NOTCH2: variants seen among roughly 807,000 people sequenced by gnomAD.
The protein encoded by NOTCH2 is notch receptor 2, also known as neurogenic locus notch homolog protein 2.
A neutral mutation model predicts 235.8 loss-of-function variants in NOTCH2; 29 were observed. That is an observed-to-expected ratio of 0.12 (90% CI 0.09 to 0.17). The LOEUF is 0.17. Ranked by LOEUF, NOTCH2 falls within the 10% of genes least tolerant of loss-of-function variation. NOTCH2 has a pLI of 1.00. For synonymous variants in NOTCH2, 1,086 were observed against 1,141.5 expected, an observed-to-expected ratio of 0.95 and a Z score of 0.98; for missense variants, 2,285 against 3,150.2, an observed-to-expected ratio of 0.73 and a Z score of 6.57.
At position 119,913,505 on chromosome 1, in the gene NOTCH2, G is replaced by A. The variant is rs1648957818; in HGVS notation, c.*1801C>T. 8.6e-6 allele frequency: 2 copies of A among 233,140 alleles called. No homozygotes were observed. The highest frequency in any genetic ancestry group is 1.7e-5 in the Non-Finnish European group (2 of 118,064). The allele number at this position is 233,140 out of a possible 1,614,324, so 14.4% of individuals were successfully genotyped here. On this transcript the variant is annotated 3_prime_UTR_variant, in exon 34 of 34. Transcript: ENST00000256646. ...CAGAACTTATTTTGCAGGTGTCATG[G>A]GCATCACAGCACTGGACGGAAGTTG...
intron 15 of NOTCH2, 109 bp from the exon 16 acceptor site, chr1:119,949,235 G>T: frequency 8.5e-7 from 1 of 1,170,458 alleles, no homozygotes; most frequent in Non-Finnish European, 1.3e-6. Context: ...TGATTAAGAG[G>T]CTTTGAAAAT....
intron 33 of NOTCH2, 126 bp from the exon 34 acceptor site, chr1:119,916,820 T>C (rs1649096320): frequency 1.1e-6 from 1 of 915,790 alleles, no homozygotes; most frequent in Admixed American, 2.0e-5. Flanking sequence ...GATGAAATAT[T>C]AACACCACAG....
intron 3 of NOTCH2, among the ~76,000 whole-genome samples, chr1:120,000,314 T>C (rs2725902): frequency 0.04 from 6,073 of 151,056 alleles, no homozygotes; most frequent in East Asian, 0.12. Context: ...GGCAGGTGGA[T>C]CATGAGGTCA....
At chr1:119,940,040 A>G (rs782702349) in intron 19 of NOTCH2, among the ~76,000 whole-genome samples, 29 of 152,224 alleles carry the variant, frequency 1.9e-4, no homozygotes, top group Non-Finnish European at 2.9e-4. Flanking sequence ...CGAAGGTTAG[A>G]TTAGTTGCCT....
At chr1:119,930,436 A>C (rs1336460530) in intron 22 of NOTCH2, among the ~76,000 whole-genome samples, 1 of 151,124 alleles carries the variant, frequency 6.6e-6, no homozygotes, top group East Asian at 1.9e-4. Flanking sequence ...ACAAAGAAAC[A>C]AAAGAAATCA....
intron 17 of NOTCH2, among the ~76,000 whole-genome samples, chr1:119,942,416 T>C (rs1650094375): frequency 6.6e-6 from 1 of 152,140 alleles, no homozygotes; most frequent in South Asian, 2.1e-4. Flanking sequence ...AACTTAAAAA[T>C]ATAATTGCAA....
rs782131953 is a variant in NOTCH2, at chr1:119,997,198, T to C, written c.550A>G (p.Asn184Asp). The C allele has an allele frequency of 1.2e-6, 2 of 1,613,882 alleles. No individual in the cohort carries two copies. The highest frequency in any genetic ancestry group is 1.7e-6 in the Non-Finnish European group (2 of 1,179,868). ...CAGTGTCCTGGAATGTCACACTCATTGACATCAGTCTCACATTTCTGCCCT... is the reference window on the plus strand; with the variant it reads ...CAGTGTCCTGGAATGTCACACTCATCGACATCAGTCTCACATTTCTGCCCT... The part of the protein sequence containing the change: ...FTGQKCETDV[N>D]ECDIPGHCQH... The change falls in exon 4 of 34, where the codon AAT becomes GAT. Residue 184 changes from asparagine to aspartate, a missense_variant. Around this residue, in one of 6 missense-constraint regions of NOTCH2, gnomAD observed 431 missense variants for 757.8 expected, o/e 0.57. Transcript: ENST00000256646.
rs1649080785 is a variant in NOTCH2, at chr1:119,916,564, C to A, written c.6158G>T (p.Arg2053Leu). 1 of 1,614,062 alleles carries A rather than the reference C, an allele frequency of 6.2e-7. No individual in the cohort carries two copies. Among genetic ancestry groups the A allele is most frequent in the Non-Finnish European group, 8.5e-7 (1 of 1,179,998 alleles). ...AAGGCGCACAATGTCATGGTGCATG[C>A]GATCCCGAGCCACATCCCGGGGAAG... ...DRLPRDVARD[R>L]MHHDIVRLLD... Residue 2053 changes from arginine (R) to leucine (L), a missense_variant, in exon 34 of 34, where the codon CGC becomes CTC. Around this residue, in one of 6 missense-constraint regions of NOTCH2, gnomAD observed 504 missense variants for 538.0 expected, o/e 0.94. Coordinates refer to ENST00000256646, the MANE Select transcript of NOTCH2 (RefSeq NM_024408.4).
chr1:119,946,882 T>G (rs1363691272), intron 17 of NOTCH2, among the ~76,000 whole-genome samples: 1 of 152,094 alleles, frequency 6.6e-6, no homozygotes, highest in African/African-American at 2.4e-5. Flanking sequence ...GGGTTATTTA[T>G]AGACAGGATG....
chr1:119,971,112 A>G (rs1343380900), intron 5 of NOTCH2, among the ~76,000 whole-genome samples: 1 of 152,184 alleles, frequency 6.6e-6, no homozygotes, highest in African/African-American at 2.4e-5. Flanking sequence ...CCTGTTCTTT[A>G]TTCCTATCTA....
rs1359210976 is a variant in NOTCH2, at chr1:119,995,656, T to C, written c.751+1341A>G. 3 of 152,250 alleles carry C rather than the reference T, an allele frequency of 2.0e-5. 1 individual carries two copies. The highest frequency in any genetic ancestry group is 7.2e-5 in the African/African-American group (3 of 41,466). The allele number at this position is 152,250 out of a possible 1,614,324, so 9.4% of individuals were successfully genotyped here. ...GAAAACACTTATTTAGTATCTAGAA[T>C]GATAGCATTATCTATTCTTTATTAA... On this transcript the variant is annotated intron_variant, in intron 4 of 33. Coordinates refer to ENST00000256646, the MANE Select transcript of NOTCH2 (RefSeq NM_024408.4).
chr1:120,028,505 A>G (rs1350325823), intron 2 of NOTCH2, among the ~76,000 whole-genome samples: 1 of 151,602 alleles, frequency 6.6e-6, no homozygotes, highest in Non-Finnish European at 1.5e-5. Context: ...TAAAACCTTT[A>G]TTTCCAATGT....
intron 4 of NOTCH2, chr1:119,995,164 CAAG>C (rs1349639617): frequency 7.3e-6 from 1 of 136,480 alleles, no homozygotes; most frequent in Non-Finnish European, 1.6e-5. Flanking sequence ...TTTCCTTTCT[CAAG>C]GAGGAGATAC....
rs1651754599 is a variant in NOTCH2, at chr1:119,980,061, C to T, written c.874+6899G>A. Among the ~76,000 whole-genome samples, 5 of 152,290 alleles carry T rather than the reference C, an allele frequency of 3.3e-5. No individual in the cohort carries two copies. In the South Asian group the frequency reaches 1.0e-3, roughly 32 times the overall value. On this transcript the variant is annotated intron_variant, in intron 5 of 33. Coordinates refer to ENST00000256646, the MANE Select transcript of NOTCH2 (RefSeq NM_024408.4). Reference sequence around the variant, plus strand: ...TCTCGCTCTTTCCTCTCCTGTCTCGCATGATATCAACATCTGGGTTGAGGA... The same window carrying T: ...TCTCGCTCTTTCCTCTCCTGTCTCGTATGATATCAACATCTGGGTTGAGGA...
intron 29 of NOTCH2, 75 bp downstream of exon 29, chr1:119,921,638 T>G: frequency 8.2e-7 from 1 of 1,222,818 alleles, no homozygotes; most frequent in Non-Finnish European, 1.2e-6. Context: ...CAGGACACTC[T>G]GGAGCTAAAG....
chr1:119,958,714 A>ATGTGTG lies in NOTCH2; in HGVS notation c.2026+672_2026+677dup, dbSNP rs10546889. On this transcript the variant is annotated intron_variant, in intron 12 of 33. Transcript: ENST00000256646. ...ATATTGACAAGTAAAGAGAGAGAAGATGTGTGTGTGTGTGTGTGTGTGTGT... is the reference window on the plus strand; with the variant it reads ...ATATTGACAAGTAAAGAGAGAGAAGATGTGTGTGTGTGTGTGTGTGTGTGTGTGTGT... Among the ~76,000 whole-genome samples the ATGTGTG allele has an allele frequency of 4.6e-3, 688 of 149,852 alleles. 8 individuals are homozygous for ATGTGTG. The highest frequency in any genetic ancestry group is 0.024 in the South Asian group (115 of 4,736).
intron 2 of NOTCH2, among the ~76,000 whole-genome samples, chr1:120,014,900 G>T (rs1653369506): frequency 7.3e-6 from 1 of 137,030 alleles, no homozygotes; most frequent in South Asian, 2.5e-4. Flanking sequence ...AAAAGCCAGT[G>T]TTCTCTCCCC....
At chr1:119,958,642 T>C (rs181641112) in intron 12 of NOTCH2, among the ~76,000 whole-genome samples, 2 of 152,184 alleles carry the variant, frequency 1.3e-5, no homozygotes, top group East Asian at 3.9e-4. Context: ...GTTTCTGCAG[T>C]AGTAGCCTCT....
At position 119,948,546 on chromosome 1, in the gene NOTCH2, T is replaced by C; in HGVS notation, c.2620A>G (p.Ile874Val). 1 of 1,614,166 alleles carries C rather than the reference T, an allele frequency of 6.2e-7. No individual in the cohort carries two copies. Among genetic ancestry groups the C allele is most frequent in the African/African-American group, 1.3e-5 (1 of 75,048 alleles). Residue 874 changes from isoleucine (I) to valine (V), a missense_variant, in exon 17 of 34, where the codon ATT (isoleucine) becomes GTT (valine). Physicochemically the swap from Ile to Val is conservative, Grantham distance 29 (BLOSUM62 3). Around this residue, in one of 6 missense-constraint regions of NOTCH2, gnomAD observed 1,173 missense variants for 1,515.3 expected, o/e 0.77. Coordinates refer to ENST00000256646, the MANE Select transcript of NOTCH2 (RefSeq NM_024408.4). ...GWQGQRCTID[I>V]DECISKPCMN... The stretch of plus-strand genomic sequence containing the variant: ...CAGGGCTTGGAGATACACTCGTCAA[T>C]GTCAATGGTACACCGCTGACCTAGG...
Sources: allele counts gnomAD v4.1 joint callset (sites outside exome capture counted in the v4.1 genomes callset), GRCh38; gene constraint gnomAD v4.1.1; regional missense constraint gnomAD v4.1.1; transcripts MANE v1.5; gene names NCBI Gene and HGNC (gene_info 2026-07-23, HGNC 2026-07-21).